Variants in ZNF385B observed in about 807,000 individuals in gnomAD.
ZNF385B encodes the protein zinc finger protein 533.
ZNF385B carries 23 observed loss-of-function variants against 39.2 expected under a neutral mutation model. That is an observed-to-expected ratio of 0.59 (90% confidence interval 0.42 to 0.83). The LOEUF is 0.83. ZNF385B is among the 40% of genes least tolerant of loss of function. The pLI, the probability that ZNF385B is intolerant of heterozygous loss-of-function variation, is 0.00. For synonymous variants in ZNF385B, 205 were observed against 222.6 expected (o/e 0.92, Z 0.70); for missense variants, 552 against 598.9 (o/e 0.92, Z 0.82).
intron 4 of ZNF385B, chr2:179,522,847 C>A: frequency 1.3e-5 from 5 of 386,838 alleles, no homozygotes; most frequent in Non-Finnish European, 2.6e-5. Context: ...AAAAAAATAC[C>A]CTATCACATA....
chr2:179,629,007 A>G (rs1690935184), intron 3 of ZNF385B, among the ~76,000 whole-genome samples: 1 of 152,198 alleles, frequency 6.6e-6, no homozygotes, highest in Non-Finnish European at 1.5e-5. Flanking sequence ...GTGTTTCCAT[A>G]AATTGCAGTC....
At chr2:179,599,863 A>G (rs1688277242) in intron 3 of ZNF385B, among the ~76,000 whole-genome samples, 2 of 152,200 alleles carry the variant, frequency 1.3e-5, no homozygotes, top group African/African-American at 4.8e-5. Context: ...TGATTCAGGA[A>G]GAAATTTCTT....
chr2:179,809,439 T>C (rs1430259352), intron 1 of ZNF385B, among the ~76,000 whole-genome samples: 3 of 152,160 alleles, frequency 2.0e-5, no homozygotes, highest in Non-Finnish European at 4.4e-5. Context: ...TAACTAGTCA[T>C]TAACATGGCA....
At position 179,798,797 on chromosome 2, in the gene ZNF385B, T is replaced by C. The variant is rs141075374; in HGVS notation, c.-154-28125A>G. Among the ~76,000 whole-genome samples, 1,014 of 152,230 alleles carry C rather than the reference T, an allele frequency of 6.7e-3. 6 individuals carry two copies. The highest frequency in any genetic ancestry group is 0.024 in the African/African-American group (983 of 41,570). On this transcript the variant is annotated intron_variant, in intron 1 of 9. Coordinates refer to ENST00000410066, the MANE Select transcript of ZNF385B (RefSeq NM_152520.6). ...ATGTACTTGTTACACGGTTGTTTAT[T>C]TCACTTTGCTTTTGACTTTTAGGAA... is the stretch of plus-strand genomic sequence containing the variant.
intron 3 of ZNF385B, among the ~76,000 whole-genome samples, chr2:179,740,106 C>T (rs1301261520): frequency 6.6e-6 from 1 of 152,124 alleles, no homozygotes; most frequent in Non-Finnish European, 1.5e-5. Context: ...AAAATGTAGC[C>T]TGCCCTCTCC....
chr2:179,722,419 G>C (rs1700752372), intron 3 of ZNF385B, among the ~76,000 whole-genome samples: 1 of 152,086 alleles, frequency 6.6e-6, no homozygotes, highest in African/African-American at 2.4e-5. Flanking sequence ...GAATGGAATA[G>C]AGTATAAAAA....
chr2:179,559,961 A>G (rs2061218763), intron 3 of ZNF385B, among the ~76,000 whole-genome samples: 2 of 152,082 alleles, frequency 1.3e-5, no homozygotes, highest in South Asian at 2.1e-4. Context: ...CCACCTTTCT[A>G]TTCTCTGTTT....
chr2:179,688,077 TC>T (rs748696213), intron 3 of ZNF385B, among the ~76,000 whole-genome samples: 9 of 152,160 alleles, frequency 5.9e-5, no homozygotes, highest in Non-Finnish European at 1.2e-4. Context: ...TCAGTTTCTG[TC>T]CCTTTTCTAC....
chr2:179,764,873 C>T (rs1464956720), intron 3 of ZNF385B, among the ~76,000 whole-genome samples: 1 of 152,192 alleles, frequency 6.6e-6, no homozygotes, highest in Non-Finnish European at 1.5e-5. Context: ...CGTATTTCTT[C>T]CTGCCTCACT....
At chr2:179,858,729 A>T (rs1444859882) in intron 1 of ZNF385B, among the ~76,000 whole-genome samples, 1 of 152,190 alleles carries the variant, frequency 6.6e-6, no homozygotes, top group Admixed American at 6.5e-5. Flanking sequence ...AAACTGGGAC[A>T]GACACACACT....
chr2:179,622,758 G>C (rs1216696549), intron 3 of ZNF385B, among the ~76,000 whole-genome samples: 1 of 152,106 alleles, frequency 6.6e-6, no homozygotes, highest in African/African-American at 2.4e-5. Flanking sequence ...TCTGTAACTG[G>C]CATTGTCAAC....
intron 3 of ZNF385B, among the ~76,000 whole-genome samples, chr2:179,709,356 C>T (rs1415630103): frequency 1.3e-5 from 2 of 152,216 alleles, no homozygotes; most frequent in African/African-American, 2.4e-5. Flanking sequence ...GTATAGGCCT[C>T]CTTTAAGGGA....
intron 1 of ZNF385B, among the ~76,000 whole-genome samples, chr2:179,843,689 G>A (rs1708661331): frequency 1.3e-5 from 2 of 152,152 alleles, no homozygotes; most frequent in Non-Finnish European, 2.9e-5. Context: ...CCAGTTCAAT[G>A]CTACAACCCA....
At chr2:179,790,831 C>T (rs756884033) in intron 1 of ZNF385B, among the ~76,000 whole-genome samples, 4 of 152,204 alleles carry the variant, frequency 2.6e-5, no homozygotes, top group Non-Finnish European at 2.9e-5. Context: ...TCTAAAATTC[C>T]TCCCTGTTCT....
intron 3 of ZNF385B, among the ~76,000 whole-genome samples, chr2:179,556,137 A>C (rs1368273200): frequency 6.7e-6 from 1 of 148,334 alleles, no homozygotes; most frequent in Non-Finnish European, 1.5e-5. Context: ...ATGTACAGCC[A>C]AGTGGTGATT....
chr2:179,588,157 C>T (rs796376828), intron 3 of ZNF385B, among the ~76,000 whole-genome samples: 1 of 152,112 alleles, frequency 6.6e-6, no homozygotes, highest in Non-Finnish European at 1.5e-5. Context: ...GGCACCATCT[C>T]GGCTCACTGC....
chr2:179,815,232 TAG>T lies in ZNF385B; in HGVS notation c.-154-44562_-154-44561del, dbSNP rs561219525. ...AGAAAAGAGACATCAAGAGAATAGG[TAG>T]AGAGACTTGTCTAGGAGGGACATCT... On this transcript the variant is annotated intron_variant, in intron 1 of 9. Transcript: ENST00000410066. Among the ~76,000 whole-genome samples the T allele has an allele frequency of 1.1e-3, 175 of 152,210 alleles. 1 individual carries two copies. The highest frequency in any genetic ancestry group is 4.0e-3 in the African/African-American group (168 of 41,540).
intron 3 of ZNF385B, among the ~76,000 whole-genome samples, chr2:179,696,839 T>A (rs1387431055): frequency 6.6e-6 from 1 of 152,192 alleles, no homozygotes; most frequent in South Asian, 2.1e-4. Context: ...ATGACTCTTA[T>A]GTTAATTATA....
chr2:179,758,229 C>G (rs1464401589), intron 3 of ZNF385B, among the ~76,000 whole-genome samples: 1 of 152,146 alleles, frequency 6.6e-6, no homozygotes, highest in Non-Finnish European at 1.5e-5. Flanking sequence ...TAACAGAATA[C>G]CACAGACTGA....
Sources: gnomAD v4.1 joint callset for allele counts (sites outside exome capture counted in the v4.1 genomes callset) on GRCh38, gnomAD v4.1.1 for gene constraint, MANE v1.5 for transcripts, NCBI Gene and HGNC (gene_info 2026-07-23, HGNC 2026-07-21) for gene names.